NBPF20: variants seen among roughly 807,000 people sequenced by gnomAD.
NBPF20 encodes the protein NBPF member 20, also known as NBPF family member NBPF20.
A neutral mutation model predicts 68.1 loss-of-function variants in NBPF20; 90 were observed. That is an observed-to-expected ratio of 1.32 (90% CI 1.11 to 1.58). The LOEUF (loss-of-function observed/expected upper bound fraction) is 1.58, where lower values mean the gene tolerates loss of function less well. Among genes scored for constraint, NBPF20 ranks in the 40% most tolerant of loss-of-function variants. The probability of loss-of-function intolerance (pLI) is 0.00; values close to 1 mark genes in which losing one functional copy is unlikely to be tolerated. For missense variants in NBPF20, 816 were observed against 601.2 expected (o/e 1.36, Z -3.74); for synonymous variants, 290 against 228.1 (o/e 1.27, Z -2.45).
the NBPF20 span, among the ~76,000 whole-genome samples, chr1:145,420,647 GC>G: frequency 9.6e-6 from 1 of 103,918 alleles, no homozygotes; most frequent in East Asian, 2.6e-4. Context: ...AGAACACACA[GC>G]ACTGAAGCTC....
At chr1:145,405,192 C>G in exon 2 of NBPF20, 1 of 1,612,818 alleles carries the variant, frequency 6.2e-7, no homozygotes, top group Middle Eastern at 1.8e-4. Context: ...TCTCTGCCAA[C>G]TGGGGGCGCA....
At chr1:145,411,291 C>A in the NBPF20 span, among the ~76,000 whole-genome samples, 8 of 150,714 alleles carry the variant, frequency 5.3e-5, no homozygotes, top group Admixed American at 1.3e-4. Flanking sequence ...AGGTTTATCT[C>A]CCCACTAATT....
chr1:145,419,251 G>A, the NBPF20 span, among the ~76,000 whole-genome samples: 1 of 151,464 alleles, frequency 6.6e-6, no homozygotes, highest in Non-Finnish European at 1.5e-5. Flanking sequence ...AGGGAAGGAA[G>A]GAAGGAAATG....
intron 3 of NBPF20, 66 bp downstream of exon 8, chr1:145,403,150 C>T (rs1179485665): frequency 1.9e-6 from 3 of 1,594,430 alleles, no homozygotes; most frequent in East Asian, 2.2e-5. Flanking sequence ...CGTCTCCCCA[C>T]CGAGCTGCTG....
chr1:145,401,035 T>C, intron 5 of NBPF20, 24 bp downstream of exon 10: 2 of 1,576,140 alleles, frequency 1.3e-6, no homozygotes, highest in East Asian at 2.2e-5. Flanking sequence ...CATCCATTAA[T>C]TGTTCCTGAG....
exon 6 of NBPF20, chr1:145,400,484 T>C (rs1480661329): frequency 1.9e-6 from 3 of 1,613,022 alleles, no homozygotes; most frequent in Non-Finnish European, 2.5e-6. Context: ...GATTTTGGTT[T>C]TCCTATGTGG....
the NBPF20 span, among the ~76,000 whole-genome samples, chr1:145,419,398 C>T: frequency 5.8e-4 from 88 of 152,280 alleles, 1 homozygote; most frequent in South Asian, 0.01. Context: ...GGGGTACAAC[C>T]CCTTCTTCCT....
intron 8 of NBPF20, among the ~76,000 whole-genome samples, chr1:145,394,199 A>C (rs1355791576): frequency 0.05 from 7,581 of 151,604 alleles, 644 homozygotes; most frequent in African/African-American, 0.17. Flanking sequence ...CACAAATGAG[A>C]AATTTTTTCC....
chr1:145,404,381 C>A (rs1662671384), intron 2 of NBPF20, among the ~76,000 whole-genome samples: 1 of 151,978 alleles, frequency 6.6e-6, no homozygotes, highest in African/African-American at 2.4e-5. Flanking sequence ...GCCTCAGCCA[C>A]CCGATTAGTG....
chr1:145,421,389 T>A, the NBPF20 span, among the ~76,000 whole-genome samples: 1 of 152,224 alleles, frequency 6.6e-6, no homozygotes, highest in African/African-American at 2.4e-5. Flanking sequence ...GGTTTATTTT[T>A]CATTGACATT....
At chr1:145,397,970 G>T (rs1195571935) in intron 7 of NBPF20, among the ~76,000 whole-genome samples, 107 of 152,228 alleles carry the variant, frequency 7.0e-4, no homozygotes, top group South Asian at 6.2e-4. Flanking sequence ...AACCAACCAA[G>T]ATCAAAAGAG....
chr1:145,352,748 C>T (rs1661675502), exon 61 of NBPF20: 1 of 14,418 alleles, frequency 6.9e-5, no homozygotes, highest in South Asian at 4.7e-4. Context: ...TTACCTGGGG[C>T]ATGGTGGGCC....
chr1:145,403,793 A>G (rs1436458072), intron 2 of NBPF20, among the ~76,000 whole-genome samples: 13 of 151,876 alleles, frequency 8.6e-5, no homozygotes, highest in Non-Finnish European at 1.8e-4. Context: ...TTTTTAAATC[A>G]TATCTTCAGT....
chr1:145,400,859 T>C (rs1467253416), intron 5 of NBPF20, among the ~76,000 whole-genome samples, 200 bp downstream of exon 10: 32 of 151,962 alleles, frequency 2.1e-4, no homozygotes, highest in Non-Finnish European at 4.4e-4. Context: ...GCTATCCCTG[T>C]ACGGTGCAGA....
At chr1:145,400,258 G>C (rs75582578) in intron 6 of NBPF20, 131 bp downstream of exon 11, 56 of 1,584,652 alleles carry the variant, frequency 3.5e-5, no homozygotes, top group Admixed American at 1.8e-4. Flanking sequence ...GACAAAAAAA[G>C]TCCCTGATAT....
rs1259217867 is a variant in NBPF20, at chr1:145,377,978, T to A, written c.3464+65A>T. 42 of 472,442 alleles carry A rather than the reference T, an allele frequency of 8.9e-5. 4 individuals are homozygous for A. In the East Asian group the frequency reaches 1.9e-3, roughly 21 times the overall value. The allele number at this position is 472,442 out of a possible 1,614,324, so 29.3% of individuals were successfully genotyped here. ...ACATGAAATTGAACACACTCTTGTT[T>A]TCCCTGGACCTGGCATCTCCAGGTG... On this transcript the variant is annotated intron_variant, in intron 29 of 137. Transcript: ENST00000369373.
intron 9 of NBPF20, chr1:145,393,615 A>G (rs1417586180): frequency 6.1e-5 from 46 of 756,926 alleles, no homozygotes; most frequent in Non-Finnish European, 8.6e-5. Flanking sequence ...ATAATTTTGC[A>G]TAAAATGTGC....
intron 5 of NBPF20, 70 bp downstream of exon 10, chr1:145,400,989 A>G: frequency 6.5e-7 from 1 of 1,531,706 alleles, no homozygotes; most frequent in Non-Finnish European, 9.0e-7. Flanking sequence ...TAGATGCCAG[A>G]GAGGGTGTGC....
chr1:145,397,507 A>T (rs1662310568), intron 7 of NBPF20, among the ~76,000 whole-genome samples: 1 of 152,248 alleles, frequency 6.6e-6, no homozygotes, highest in Admixed American at 6.5e-5. Context: ...TGAAGGAGAA[A>T]TAAATCCTTT....
Sources: allele counts gnomAD v4.1 joint callset (sites outside exome capture counted in the v4.1 genomes callset), GRCh38; gene constraint gnomAD v4.1.1; transcripts MANE v1.5; gene names NCBI Gene and HGNC (gene_info 2026-07-23, HGNC 2026-07-21).